The following ASCC1 variants were observed in gnomAD, a reference collection of about 807,000 sequenced individuals.
ASCC1 encodes ASC-1 complex subunit P50.
In ASCC1, 35 loss-of-function variants were observed where a neutral mutation model predicts 46.6. That is an observed-to-expected ratio of 0.75 (90% CI 0.57 to 0.99). ASCC1 has a LOEUF of 0.99. ASCC1 is among the 50% of genes least tolerant of loss of function. The probability of loss-of-function intolerance (pLI) is 0.00; values close to 1 mark genes in which losing one functional copy is unlikely to be tolerated. For missense variants in ASCC1, 376 were observed against 428.7 expected, an observed-to-expected ratio of 0.88 and a Z score of 1.09; for synonymous variants, 143 against 146.6, an observed-to-expected ratio of 0.98 and a Z score of 0.18.
rs902033673 is a variant in ASCC1 at position 72,114,352 on chromosome 10, G to A, written c.957+13730C>T. 5.9e-5 allele frequency among the ~76,000 whole-genome samples: 9 copies of A among 152,182 alleles called. No individual in the cohort carries two copies. The East Asian group carries it at 7.7e-4, about 13-fold the overall frequency. ...TTAAAAAAGAAATAAATGGCTGGGC[G>A]TGGTGGCTCACGCCTATAATCCCAG... On this transcript the variant is annotated intron_variant, in intron 9 of 9. Transcript: ENST00000672957.
At chr10:72,163,413 C>G (rs1413344937) in intron 5 of ASCC1, among the ~76,000 whole-genome samples, 39 of 152,044 alleles carry the variant, frequency 2.6e-4, no homozygotes, top group Admixed American at 2.6e-3. Flanking sequence ...TATATACACA[C>G]AGTGGAATAT....
chr10:72,159,653 G>C (rs1849388643), intron 6 of ASCC1, among the ~76,000 whole-genome samples: 1 of 152,040 alleles, frequency 6.6e-6, no homozygotes, highest in Admixed American at 6.5e-5. Flanking sequence ...CTTTATATAA[G>C]GGAAATGGAA....
At chr10:72,180,589 G>A (rs1022422965) in intron 5 of ASCC1, among the ~76,000 whole-genome samples, 17 of 152,078 alleles carry the variant, frequency 1.1e-4, no homozygotes, top group Admixed American at 1.0e-3. Context: ...TCGCACCACT[G>A]CATTCCAGCC....
intron 7 of ASCC1, among the ~76,000 whole-genome samples, chr10:72,136,904 G>A (rs778837279): frequency 5.9e-5 from 9 of 151,546 alleles, no homozygotes; most frequent in East Asian, 1.9e-4. Context: ...CGAACCCACC[G>A]GCAGGAAGAA....
At chr10:72,211,807 A>G (rs1858174079) in intron 2 of ASCC1, among the ~76,000 whole-genome samples, 1 of 149,892 alleles carries the variant, frequency 6.7e-6, no homozygotes, top group South Asian at 2.1e-4. Flanking sequence ...TGGGTGACAA[A>G]GCAAGACTCC....
intron 6 of ASCC1, among the ~76,000 whole-genome samples, chr10:72,160,448 G>A (rs1400653303): frequency 1.3e-5 from 2 of 152,044 alleles, no homozygotes; most frequent in African/African-American, 4.8e-5. Context: ...AAATAAAGCT[G>A]TTATGCCAGA....
At chr10:72,128,813 A>AT (rs924757969) in intron 8 of ASCC1, among the ~76,000 whole-genome samples, 6 of 152,232 alleles carry the variant, frequency 3.9e-5, no homozygotes, top group African/African-American at 9.6e-5. Flanking sequence ...AAGGAAAAGA[A>AT]TATCAAAAGA....
intron 3 of ASCC1, among the ~76,000 whole-genome samples, chr10:72,208,375 G>C (rs1477459421): frequency 6.6e-6 from 1 of 150,674 alleles, no homozygotes; most frequent in Non-Finnish European, 1.5e-5. Flanking sequence ...TGTTTCTTAG[G>C]AAAAAATGTC....
intron 2 of ASCC1, among the ~76,000 whole-genome samples, 159 bp downstream of exon 2, chr10:72,213,028 C>G (rs1307298771): frequency 6.6e-6 from 1 of 152,144 alleles, no homozygotes; most frequent in Admixed American, 6.6e-5. Flanking sequence ...AACTCAAACT[C>G]ATCAGTACCC....
At chr10:72,198,434 A>C (rs892412081) in intron 4 of ASCC1, 3 of 376,870 alleles carry the variant, frequency 8.0e-6, no homozygotes, top group Non-Finnish European at 1.5e-5. Flanking sequence ...GAAAGAAGGC[A>C]AGGCATGCTC....
At chr10:72,157,506 GAAGA>G (rs1314936342) in intron 6 of ASCC1, among the ~76,000 whole-genome samples, 1 of 152,126 alleles carries the variant, frequency 6.6e-6, no homozygotes, top group African/African-American at 2.4e-5. Context: ...AAGGTCAACA[GAAGA>G]AAGACCCATA....
intron 7 of ASCC1, among the ~76,000 whole-genome samples, chr10:72,147,528 C>T (rs903912104): frequency 1.3e-5 from 2 of 152,186 alleles, no homozygotes; most frequent in African/African-American, 4.8e-5. Context: ...GCTGGGATTA[C>T]AGGCATGAGC....
At chr10:72,162,942 C>CCAAAAAAAAAA in intron 5 of ASCC1, among the ~76,000 whole-genome samples, 1 of 143,594 alleles carries the variant, frequency 7.0e-6, no homozygotes, top group South Asian at 2.1e-4. Flanking sequence ...GACTCTGTCT[C>CCAAAAAAAAAA]AAAAAAAAAG....
intron 5 of ASCC1, among the ~76,000 whole-genome samples, chr10:72,179,070 GAAT>G (rs1351450970): frequency 1.3e-5 from 2 of 152,108 alleles, no homozygotes; most frequent in Admixed American, 1.3e-4. Context: ...TATATGATTT[GAAT>G]AATAACCCAA....
rs767598186 is a variant in ASCC1 at position 72,210,778 on chromosome 10, G to C, written c.166C>G (p.Pro56Ala). The change falls in exon 3 of 10, where the codon CCA becomes GCA. Residue 56 changes from proline (P) to alanine (A), a missense_variant. Pro to Ala is a conservative substitution (Grantham distance 27). Transcript: ENST00000672957. ...CTCAAAGTAGACCGGAATCCTTGTGGGGTCTGCTCCACCTCGTAGGCATCA... is the reference window on the plus strand; with the variant it reads ...CTCAAAGTAGACCGGAATCCTTGTGCGGTCTGCTCCACCTCGTAGGCATCA... ...PCDAYEVEQTPQGFRSTLRAP... is the reference protein window; with the variant it reads ...PCDAYEVEQTAQGFRSTLRAP... 6.2e-7 allele frequency: 1 copy of C among 1,613,968 alleles called. No homozygotes were observed. The highest frequency in any genetic ancestry group is 8.5e-7 in the Non-Finnish European group (1 of 1,180,012).
intron 8 of ASCC1, among the ~76,000 whole-genome samples, chr10:72,129,907 G>C (rs1346816671): frequency 6.7e-6 from 1 of 150,310 alleles, no homozygotes; most frequent in Non-Finnish European, 1.5e-5. Flanking sequence ...TTTGAGTGCG[G>C]GAGGTGGAGG....
chr10:72,213,144 G>A (rs1486466141), intron 2 of ASCC1, 43 bp downstream of exon 2: 2 of 1,348,012 alleles, frequency 1.5e-6, no homozygotes, highest in African/African-American at 1.4e-5. Flanking sequence ...ACAATACACA[G>A]GACATTTTAC....
rs567091431 is a variant in ASCC1 at position 72,216,044 on chromosome 10, G to A, written c.-34+163C>T. On this transcript the variant is annotated intron_variant, in intron 1 of 9. Transcript: ENST00000672957. The stretch of plus-strand genomic sequence containing the variant: ...CTTCGCCGCTGGCTCCGTCTGTTGG[G>A]GGGCGAACACGCCGCGGTCCTCGTC... The A allele has an allele frequency of 3.9e-5, 6 of 152,494 alleles. No individual in the cohort carries two copies. In the East Asian group the frequency reaches 9.7e-4, roughly 25 times the overall value. 9.4% of individuals were successfully genotyped at this position (152,494 alleles called of 1,614,324 possible). A position where few individuals can be genotyped will look rare whatever the true frequency, so the allele number is the denominator to read the frequency against.
intron 9 of ASCC1, chr10:72,102,396 A>C: frequency 1.3e-6 from 2 of 1,550,386 alleles, no homozygotes; most frequent in East Asian, 2.4e-5. Context: ...GGCTCTGAGA[A>C]TATGCATCAG....
Sources: gnomAD v4.1 joint callset for allele counts (sites outside exome capture counted in the v4.1 genomes callset) on GRCh38, gnomAD v4.1.1 for gene constraint, MANE v1.5 for transcripts, NCBI Gene and HGNC (gene_info 2026-07-23, HGNC 2026-07-21) for gene names.